Variants in RGL1 observed in about 807,000 individuals in gnomAD.
The protein encoded by RGL1 is ral guanine nucleotide dissociation stimulator-like 1.
In RGL1, 24 loss-of-function variants were observed where a neutral mutation model predicts 95.2. That is an observed-to-expected ratio of 0.25 (90% confidence interval 0.18 to 0.35). The LOEUF (loss-of-function observed/expected upper bound fraction) is 0.35, where lower values mean the gene tolerates loss of function less well. Among genes scored for constraint, RGL1 ranks in the 10% least tolerant of loss-of-function variants. The pLI, the probability that RGL1 is intolerant of heterozygous loss-of-function variation, is 1.00. For missense variants in RGL1, 715 were observed against 936.3 expected, an observed-to-expected ratio of 0.76 and a Z score of 3.08; for synonymous variants, 329 against 344.9, an observed-to-expected ratio of 0.95 and a Z score of 0.51.
intron 1 of RGL1, among the ~76,000 whole-genome samples, chr1:183,740,818 T>G (rs1336157981): frequency 6.6e-6 from 1 of 152,264 alleles, no homozygotes; most frequent in African/African-American, 2.4e-5. Flanking sequence ...CATGATTTAC[T>G]AAATGATTGA....
chr1:183,768,153 G>GA (rs201336711), intron 2 of RGL1, among the ~76,000 whole-genome samples: 347 of 140,800 alleles, frequency 2.5e-3, no homozygotes, highest in Middle Eastern at 7.4e-3. Flanking sequence ...CAGAGAAACA[G>GA]AAAAAAAAAA....
At chr1:183,641,281 T>C (rs7530294) in intron 1 of RGL1, among the ~76,000 whole-genome samples, 10,433 of 152,068 alleles carry the variant, frequency 0.069, 626 homozygotes, top group African/African-American at 0.16. Context: ...ACCACAGGAG[T>C]ACGCCACTAC....
At chr1:183,726,131 T>C (rs565750085) in intron 1 of RGL1, among the ~76,000 whole-genome samples, 51 of 152,226 alleles carry the variant, frequency 3.4e-4, no homozygotes, top group African/African-American at 1.2e-3. Context: ...GACACACATA[T>C]CAAAATTTGT....
intron 2 of RGL1, among the ~76,000 whole-genome samples, chr1:183,835,341 A>C (rs1396625613): frequency 6.6e-6 from 1 of 152,188 alleles, no homozygotes; most frequent in African/African-American, 2.4e-5. Flanking sequence ...CTGAAAATAG[A>C]AGGAAACTGT....
chr1:183,802,424 C>A (rs1271442285), upstream of RGL1, among the ~76,000 whole-genome samples: 1 of 152,068 alleles, frequency 6.6e-6, no homozygotes, highest in African/African-American at 2.4e-5. Context: ...ATTCAGGATC[C>A]TTCGTAGTTC....
At chr1:183,734,100 G>C (rs1457676476) in intron 1 of RGL1, among the ~76,000 whole-genome samples, 2 of 152,178 alleles carry the variant, frequency 1.3e-5, no homozygotes, top group Admixed American at 6.5e-5. Context: ...AATGTGGAAG[G>C]GCTAGTCGAT....
intron 2 of RGL1, among the ~76,000 whole-genome samples, chr1:183,763,322 G>A (rs1275867286): frequency 1.3e-5 from 2 of 151,996 alleles, no homozygotes; most frequent in Non-Finnish European, 2.9e-5. Context: ...AACCACTATG[G>A]CACATGTATA....
chr1:183,653,920 A>G (rs1196251951), intron 1 of RGL1, among the ~76,000 whole-genome samples: 1 of 152,174 alleles, frequency 6.6e-6, no homozygotes, highest in Non-Finnish European at 1.5e-5. Context: ...CACAAGGCAC[A>G]TTGATAGTCA....
chr1:183,834,096 C>A (rs1175877048), intron 2 of RGL1, among the ~76,000 whole-genome samples: 1 of 151,186 alleles, frequency 6.6e-6, no homozygotes, highest in Non-Finnish European at 1.5e-5. Context: ...AATTTACTTT[C>A]TTATTTAATT....
intron 17 of RGL1, 53 bp from the exon 18 acceptor site, chr1:183,926,052 T>A (rs1669596438): frequency 2.6e-6 from 4 of 1,519,778 alleles, no homozygotes; most frequent in Non-Finnish European, 3.6e-6. Context: ...CCGTTGTCAG[T>A]ACTGAGCTGA....
chr1:183,732,773 G>GA (rs939123780), intron 1 of RGL1, among the ~76,000 whole-genome samples: 6 of 151,698 alleles, frequency 4.0e-5, no homozygotes, highest in Non-Finnish European at 5.9e-5. Flanking sequence ...CAATTTTAAA[G>GA]AAAAAAAATA....
chr1:183,914,034 A>C (rs1668819296), intron 15 of RGL1, among the ~76,000 whole-genome samples: 1 of 152,206 alleles, frequency 6.6e-6, no homozygotes, highest in Non-Finnish European at 1.5e-5. Context: ...CTTTGTCAAA[A>C]TCTGGAATGC....
intron 16 of RGL1, among the ~76,000 whole-genome samples, chr1:183,919,783 C>T (rs1669208866): frequency 6.6e-6 from 1 of 152,174 alleles, no homozygotes; most frequent in African/African-American, 2.4e-5. Flanking sequence ...GTATTTCTGT[C>T]ACAGGAAAGT....
chr1:183,746,746 A>C (rs1657661102), intron 2 of RGL1, among the ~76,000 whole-genome samples: 1 of 151,760 alleles, frequency 6.6e-6, no homozygotes, highest in African/African-American at 2.4e-5. Flanking sequence ...AGCTGCACCC[A>C]TCAACCTGTC....
intron 3 of RGL1, among the ~76,000 whole-genome samples, chr1:183,860,249 C>T (rs1376442737): frequency 2.6e-5 from 4 of 152,176 alleles, no homozygotes; most frequent in Admixed American, 6.5e-5. Flanking sequence ...CAACTCTTCC[C>T]GCCCCAGCCT....
chr1:183,712,576 G>A (rs778447962), intron 1 of RGL1, among the ~76,000 whole-genome samples: 1 of 152,142 alleles, frequency 6.6e-6, no homozygotes, highest in Non-Finnish European at 1.5e-5. Flanking sequence ...GATTACCAAT[G>A]GGCCACATTC....
upstream of RGL1, among the ~76,000 whole-genome samples, chr1:183,801,440 A>G (rs1026005497): frequency 6.6e-6 from 1 of 151,878 alleles, no homozygotes; most frequent in Non-Finnish European, 1.5e-5. Context: ...CTCCCATTCC[A>G]TAGGTCATTT....
intron 2 of RGL1, among the ~76,000 whole-genome samples, chr1:183,751,909 A>G (rs1658025916): frequency 6.6e-6 from 1 of 151,986 alleles, no homozygotes; most frequent in African/African-American, 2.4e-5. Flanking sequence ...AGTGAGATGA[A>G]CTGGGTACCT....
At chr1:183,727,705 A>G (rs919528763) in intron 1 of RGL1, among the ~76,000 whole-genome samples, 6 of 152,204 alleles carry the variant, frequency 3.9e-5, no homozygotes, top group Non-Finnish European at 8.8e-5. Context: ...CAAACAGCAA[A>G]TCTTCATGAA....
Sources: gnomAD v4.1 joint callset for allele counts (sites outside exome capture counted in the v4.1 genomes callset) on GRCh38, gnomAD v4.1.1 for gene constraint, MANE v1.5 for transcripts, NCBI Gene and HGNC (gene_info 2026-07-23, HGNC 2026-07-21) for gene names.